TGM6: variants seen among roughly 807,000 people sequenced by gnomAD.
The protein encoded by TGM6 is protein-glutamine gamma-glutamyltransferase 6.
TGM6 carries 74 observed loss-of-function variants against 77.5 expected under a neutral mutation model. The observed-to-expected ratio is 0.96, with a 90% confidence interval of 0.79 to 1.16. The LOEUF is 1.16. TGM6 is among the 50% of genes most tolerant of loss of function. TGM6 has a pLI of 0.00. For missense variants in TGM6, 968 were observed against 940.2 expected, an observed-to-expected ratio of 1.03 and a Z score of -0.39; for synonymous variants, 383 against 378.9, an observed-to-expected ratio of 1.01 and a Z score of -0.12.
intron 1 of TGM6, among the ~76,000 whole-genome samples, chr20:2,392,973 G>A (rs1213174727): frequency 6.6e-6 from 1 of 152,150 alleles, no homozygotes; most frequent in Non-Finnish European, 1.5e-5. Flanking sequence ...TGCCCCCAGA[G>A]GACCTCCTCA....
chr20:2,382,664 G>A (rs535758988), intron 1 of TGM6, among the ~76,000 whole-genome samples: 1 of 152,258 alleles, frequency 6.6e-6, no homozygotes, highest in Non-Finnish European at 1.5e-5. Context: ...TTCTTGGGAG[G>A]ATCTGTTCCT....
At chr20:2,416,896 G>A (rs1409492137) in intron 9 of TGM6, among the ~76,000 whole-genome samples, 2 of 152,034 alleles carry the variant, frequency 1.3e-5, no homozygotes, top group Non-Finnish European at 2.9e-5. Context: ...TTCCTTGTCT[G>A]TTAAATGTGG....
At chr20:2,412,021 A>T (rs1164755851) in intron 9 of TGM6, among the ~76,000 whole-genome samples, 1 of 152,212 alleles carries the variant, frequency 6.6e-6, no homozygotes, top group Non-Finnish European at 1.5e-5. Flanking sequence ...AAACATCTAT[A>T]GCCATACCAC....
At position 2,398,314 on chromosome 20, in the gene TGM6, G is replaced by A. The variant is rs8124987; in HGVS notation, c.672+268G>A. Among the ~76,000 whole-genome samples, 22,811 of 152,130 alleles carry A rather than the reference G, an allele frequency of 0.15. 2,138 individuals are homozygous for A. Among genetic ancestry groups the A allele is most frequent in the African/African-American group, 0.25 (10,158 of 41,456 alleles). ...GATATCTTAATGACTGCATATGTCT[G>A]GGATGGTTTAACAGGACCTCTGTCT... is the stretch of plus-strand genomic sequence containing the variant. On this transcript the variant is annotated intron_variant, in intron 5 of 12. Coordinates refer to ENST00000202625, the MANE Select transcript of TGM6 (RefSeq NM_198994.3).
At chr20:2,412,298 G>A (rs2084789568) in intron 9 of TGM6, among the ~76,000 whole-genome samples, 1 of 152,172 alleles carries the variant, frequency 6.6e-6, no homozygotes, top group Admixed American at 6.6e-5. Flanking sequence ...AACTCATACA[G>A]ACAGAAAGTA....
chr20:2,399,504 C>T (rs952487533), intron 5 of TGM6, 57 bp from the exon 6 acceptor site: 34 of 1,610,310 alleles, frequency 2.1e-5, no homozygotes, highest in Admixed American at 6.7e-5. Context: ...GACCACGATG[C>T]GGTTCTTGAG....
intron 6 of TGM6, 125 bp from the exon 7 acceptor site, chr20:2,400,181 C>A: frequency 7.3e-7 from 1 of 1,369,020 alleles, no homozygotes; most frequent in Middle Eastern, 2.2e-4. Context: ...ATGAACTAGA[C>A]ACACAGACAA....
chr20:2,427,487 C>A (rs971509882), intron 10 of TGM6, among the ~76,000 whole-genome samples: 2 of 152,144 alleles, frequency 1.3e-5, no homozygotes, highest in African/African-American at 4.8e-5. Flanking sequence ...TTTCAAAGAA[C>A]CAGCTTTTGG....
chr20:2,426,370 C>T (rs1196537601), intron 10 of TGM6, among the ~76,000 whole-genome samples: 12 of 152,220 alleles, frequency 7.9e-5, no homozygotes, highest in Non-Finnish European at 1.5e-5. Flanking sequence ...TGTAACCTTG[C>T]TATTACCACT....
At chr20:2,407,130 C>G (rs1463214712) in intron 9 of TGM6, among the ~76,000 whole-genome samples, 1 of 152,202 alleles carries the variant, frequency 6.6e-6, no homozygotes, top group Non-Finnish European at 1.5e-5. Context: ...CTGCAGAACC[C>G]AGAGCCCATG....
At chr20:2,392,330 T>G (rs2084634218) in intron 1 of TGM6, among the ~76,000 whole-genome samples, 1 of 152,202 alleles carries the variant, frequency 6.6e-6, no homozygotes, top group African/African-American at 2.4e-5. Flanking sequence ...AATTTAAGAC[T>G]CAGCCTCAGT....
chr20:2,412,959 G>T lies in TGM6; in HGVS notation c.1337-4273G>T, dbSNP rs572476441. On this transcript the variant is annotated intron_variant, in intron 9 of 12. Coordinates refer to ENST00000202625, the MANE Select transcript of TGM6 (RefSeq NM_198994.3). ...TTAAAATTGCAATACTCTCAAAATT[G>T]ACCTACAGACTCAACAAAATCCTAT... 1.1e-3 allele frequency among the ~76,000 whole-genome samples: 172 copies of T among 152,230 alleles called. 3 individuals carry two copies. The highest frequency in any genetic ancestry group is 0.011 in the South Asian group (51 of 4,822).
intron 2 of TGM6, 146 bp downstream of exon 2, chr20:2,394,771 C>T (rs1326547231): frequency 2.0e-6 from 2 of 1,004,176 alleles, no homozygotes; most frequent in African/African-American, 1.6e-5. Flanking sequence ...ACCCTGGAGG[C>T]TTCTGGTGGC....
chr20:2,410,439 A>G lies in TGM6; in HGVS notation c.1336+6616A>G, dbSNP rs192105789. The stretch of plus-strand genomic sequence containing the variant: ...TCCCACTTGGCTCTTCCAGAGTTAT[A>G]TCCTTCATAACAAACCAGGAATGGT... On this transcript the variant is annotated intron_variant, in intron 9 of 12. Transcript: ENST00000202625. Among the ~76,000 whole-genome samples, 29 of 152,250 alleles carry G rather than the reference A, an allele frequency of 1.9e-4. No homozygotes were observed. The East Asian group carries it at 5.0e-3, about 26-fold the overall frequency.
chr20:2,389,589 C>T (rs1338008612), intron 1 of TGM6, among the ~76,000 whole-genome samples: 1 of 152,156 alleles, frequency 6.6e-6, no homozygotes, highest in Non-Finnish European at 1.5e-5. Flanking sequence ...CCTTCACCAA[C>T]CTGAAATTGA....
At chr20:2,416,065 C>T (rs1453227748) in intron 9 of TGM6, among the ~76,000 whole-genome samples, 1 of 152,124 alleles carries the variant, frequency 6.6e-6, no homozygotes, top group Non-Finnish European at 1.5e-5. Context: ...AGGAGGGTTC[C>T]TGGCATCACC....
rs955847616 is a variant in TGM6, at chr20:2,425,166, C to A, written c.1679-5280C>A. The stretch of plus-strand genomic sequence containing the variant: ...GACCAGCTTGGGCAACACAGCAATA[C>A]CCCATCTCTACAAAAAATTAAAATA... On this transcript the variant is annotated intron_variant, in intron 10 of 12. Transcript: ENST00000202625. 5.9e-5 allele frequency among the ~76,000 whole-genome samples: 9 copies of A among 152,056 alleles called. No individual in the cohort carries two copies. The East Asian group carries it at 1.5e-3, about 26-fold the overall frequency.
chr20:2,388,927 G>A (rs545322034), intron 1 of TGM6, among the ~76,000 whole-genome samples: 10 of 152,264 alleles, frequency 6.6e-5, no homozygotes, highest in African/African-American at 2.4e-4. Context: ...TCTCAACTGT[G>A]GCAGATTATA....
At chr20:2,427,744 G>GTGTT (rs939603230) in intron 10 of TGM6, among the ~76,000 whole-genome samples, 1 of 151,918 alleles carries the variant, frequency 6.6e-6, no homozygotes, top group Non-Finnish European at 1.5e-5. Flanking sequence ...TGGGGGAGGG[G>GTGTT]TGTTTGTTTG....
Sources: allele counts gnomAD v4.1 joint callset (sites outside exome capture counted in the v4.1 genomes callset), GRCh38; gene constraint gnomAD v4.1.1; transcripts MANE v1.5; gene names NCBI Gene and HGNC (gene_info 2026-07-23, HGNC 2026-07-21).